MUC12: variants seen among roughly 807,000 people sequenced by gnomAD.
MUC12 encodes mucin-12.
MUC12 carries 172 observed loss-of-function variants against 230.8 expected under a neutral mutation model. The ratio of observed to expected loss-of-function variants is 0.75; its 90% CI spans 0.66 to 0.85. The LOEUF is 0.85. Among genes scored for constraint, MUC12 ranks in the 40% least tolerant of loss-of-function variants. MUC12 has a pLI of 0.00. For synonymous variants in MUC12, 1,259 were observed against 2,401.9 expected, an observed-to-expected ratio of 0.52 and a Z score of 13.91; for missense variants, 3,506 against 5,920.6, an observed-to-expected ratio of 0.59 and a Z score of 13.38.
intron 1 of MUC12, among the ~76,000 whole-genome samples, chr7:100,979,510 G>A (rs1480660263): frequency 1.3e-5 from 2 of 152,040 alleles, no homozygotes; most frequent in Admixed American, 6.6e-5. Flanking sequence ...GGCAGGGCAC[G>A]GTGGCTCATG....
chr7:100,972,526 GA>G (rs1792929289), intron 1 of MUC12, among the ~76,000 whole-genome samples: 1 of 8,934 alleles, frequency 1.1e-4, no homozygotes, highest in Non-Finnish European at 2.9e-4. Flanking sequence ...TTTTTTTTGA[GA>G]CAGTCTCCTC....
intron 2 of MUC12, among the ~76,000 whole-genome samples, 179 bp from the exon 3 acceptor site, chr7:101,006,292 C>T (rs1167728440): frequency 6.6e-6 from 1 of 152,124 alleles, no homozygotes; most frequent in Non-Finnish European, 1.5e-5. Flanking sequence ...TGTTCCTCCT[C>T]CCTTTCTTAC....
At chr7:101,011,999 G>A (rs892591500) in intron 5 of MUC12, among the ~76,000 whole-genome samples, 4 of 152,118 alleles carry the variant, frequency 2.6e-5, no homozygotes, top group East Asian at 3.9e-4. Context: ...TTTTACTTTC[G>A]CATCAACAGG....
chr7:100,988,244 C>T (rs1480354738), intron 1 of MUC12, among the ~76,000 whole-genome samples: 29 of 145,024 alleles, frequency 2.0e-4, no homozygotes, highest in Middle Eastern at 3.4e-3. Context: ...TGCAATGAGC[C>T]GAGATCGCGC....
rs557175135 is a variant in MUC12 at position 100,992,111 on chromosome 7, C to T, written c.1548C>T (p.Gly516=). 117 of 1,537,226 alleles carry T rather than the reference C, an allele frequency of 7.6e-5. No homozygotes were observed. The highest frequency in any genetic ancestry group is 1.2e-4 in the East Asian group (5 of 40,852). The change falls in exon 2 of 12, where the codon GGC becomes GGT. Residue 516 remains glycine, a synonymous_variant. Transcript: ENST00000536621. ...THLPASMTSS[G]VSEESTTSHS... is the part of the protein sequence containing the mutation. Reference sequence around the variant, plus strand: ...TACCTGCCAGCATGACAAGCTCAGGCGTCAGTGAAGAATCCACCACCTCCC... The same window carrying T: ...TACCTGCCAGCATGACAAGCTCAGGTGTCAGTGAAGAATCCACCACCTCCC...
Position 100,991,004 on chromosome 7 carries a change from A to G in MUC12, c.441A>G (p.Pro147=), listed in dbSNP as rs1167526457. The G allele has an allele frequency of 1.8e-5, 27 of 1,537,708 alleles. No homozygotes were observed. Among genetic ancestry groups the G allele is most frequent in the East Asian group, 1.5e-4 (6 of 40,930 alleles). Residue 147 remains proline, a synonymous_variant, in exon 2 of 12, where the codon CCA becomes CCG. Transcript: ENST00000536621. The part of the protein sequence containing the change: ...STTFYSSPRS[P]DRTLSPARTT... ...CCTTCTACAGTAGCCCCAGATCACC[A>G]GACAGAACACTCTCACCTGCCCGCA... is the stretch of plus-strand genomic sequence containing the variant.
rs1793955867 is a variant in MUC12 at position 101,017,727 on chromosome 7, TCCCCCGGGACTCCCTTCTC to T, written c.15966+69_15966+87del. The stretch of plus-strand genomic sequence containing the variant: ...CTCCACTTCCTCTGGGGTTCCCTCT[TCCCCCGGGACTCCCTTCTC>T]CCCCTGGGACTCCCTTCTCCCCCTG... On this transcript the variant is annotated intron_variant, in intron 11 of 11. Transcript: ENST00000536621. 5.0e-6 allele frequency: 6 copies of T among 1,194,450 alleles called. No homozygotes were observed. The Admixed American group carries it at 8.7e-5, about 17-fold the overall frequency. The allele number at this position is 1,194,450 out of a possible 1,614,324, so 74.0% of individuals were successfully genotyped here.
In MUC12 at chr7:100,995,661, C is replaced by A. The variant is rs377220169; in HGVS notation, c.5098C>A (p.Pro1700Thr). 3.6e-5 allele frequency: 56 copies of A among 1,537,094 alleles called. No homozygotes were observed. The South Asian group carries it at 6.4e-4, about 18-fold the overall frequency. The change falls in exon 2 of 12, where the codon CCT (proline) becomes ACT (threonine). Residue 1700 changes from proline to threonine, a missense_variant. Coordinates refer to ENST00000536621, the MANE Select transcript of MUC12 (RefSeq NM_001164462.2). ...CTGGCCAAGCTCAAAGGACACTATG[C>A]CTGCACCTCCTACTACCACATCAGC... The part of the protein sequence containing the change: ...QSWPSSKDTM[P>T]APPTTTSAFV...
rs542673245 is a variant in MUC12, at chr7:100,969,651, C to T, written c.29C>T (p.Ala10Val). 2.0e-6 allele frequency: 3 copies of T among 1,537,410 alleles called. No homozygotes were observed. The highest frequency in any genetic ancestry group is 2.0e-5 in the Admixed American group (1 of 51,012). The change falls in exon 1 of 12, where the codon GCT becomes GTT. Residue 10 changes from alanine to valine, a missense_variant. Ala to Val is a moderately conservative substitution (Grantham distance 64). Transcript: ENST00000536621. MLVIWILTLALRLCASVTTV... is the reference protein window; with the variant it reads MLVIWILTLVLRLCASVTTV... Reference sequence around the variant, plus strand: ...CTGGTGATCTGGATTCTGACGCTGGCTCTCCGGCTCTGCGCGTCCGTTACT... The same window carrying T: ...CTGGTGATCTGGATTCTGACGCTGGTTCTCCGGCTCTGCGCGTCCGTTACT...
At chr7:101,012,171 CTG>C in intron 5 of MUC12, 123 bp from the exon 6 acceptor site, 2 of 1,022,104 alleles carry the variant, frequency 2.0e-6, no homozygotes, top group East Asian at 2.6e-5. Context: ...AGGGAAGACT[CTG>C]TATTCTTTCT....
At chr7:101,017,383 C>T (rs781743407) in intron 10 of MUC12, 192 bp from the exon 11 acceptor site, 5 of 554,176 alleles carry the variant, frequency 9.0e-6, no homozygotes, top group East Asian at 3.0e-5. Flanking sequence ...CGGGGTCCAG[C>T]GGGCGGCTCC....
chr7:100,986,571 G>C (rs907074982), intron 1 of MUC12, among the ~76,000 whole-genome samples: 1 of 152,154 alleles, frequency 6.6e-6, no homozygotes, highest in African/African-American at 2.4e-5. Context: ...ATTTGATAGT[G>C]CTCTGTCTAC....
chr7:100,983,533 C>T (rs1793141821), intron 1 of MUC12, among the ~76,000 whole-genome samples: 1 of 152,126 alleles, frequency 6.6e-6, no homozygotes, highest in Non-Finnish European at 1.5e-5. Flanking sequence ...CATGCACTGA[C>T]TCATTCACTG....
At chr7:100,980,633 G>A (rs1412302880) in intron 1 of MUC12, among the ~76,000 whole-genome samples, 1 of 152,160 alleles carries the variant, frequency 6.6e-6, no homozygotes, top group African/African-American at 2.4e-5. Context: ...TCGTTAAAAT[G>A]ATATCAGCAG....
Position 101,018,581 on chromosome 7 carries a change from C to T in MUC12, c.15967-14C>T. On this transcript the variant is annotated splice_polypyrimidine_tract_variant and intron_variant, in intron 11 of 11. Coordinates refer to ENST00000536621, the MANE Select transcript of MUC12 (RefSeq NM_001164462.2). ...TCTGCCCCTTGGCCTCACCTCTTCT[C>T]TCCCGTCCCCCAGCTCCACATCCAG... 1 of 1,536,138 alleles carries T rather than the reference C, an allele frequency of 6.5e-7. No individual in the cohort carries two copies. The highest frequency in any genetic ancestry group is 1.2e-5 in the South Asian group (1 of 84,004).
At chr7:100,988,849 T>C (rs891448078) in intron 1 of MUC12, among the ~76,000 whole-genome samples, 16 of 152,304 alleles carry the variant, frequency 1.1e-4, no homozygotes, top group East Asian at 3.9e-4. Context: ...AATTGAATCA[T>C]TGGGGGCAGT....
intron 1 of MUC12, among the ~76,000 whole-genome samples, chr7:100,970,846 A>C (rs1057483887): frequency 6.6e-6 from 1 of 152,076 alleles, no homozygotes; most frequent in African/African-American, 2.4e-5. Context: ...AAATACAAAA[A>C]ATTAGCCGGG....
chr7:101,009,290 A>T, intron 5 of MUC12, 131 bp downstream of exon 5: 2 of 881,612 alleles, frequency 2.3e-6, no homozygotes, highest in Non-Finnish European at 3.6e-6. Flanking sequence ...GCCGCTAGGG[A>T]ACACTGGGGG....
chr7:101,005,697 G>T lies in MUC12; in HGVS notation c.14956+178G>T, dbSNP rs139285366. 7.9e-5 allele frequency among the ~76,000 whole-genome samples: 12 copies of T among 152,180 alleles called. No homozygotes were observed. The East Asian group carries it at 2.3e-3, about 29-fold the overall frequency. ...TCCAGTGTTCATGTGCCGTTCACTG[G>T]TCCCCACACATGTATGATGACAATC... is the stretch of plus-strand genomic sequence containing the variant. On this transcript the variant is annotated intron_variant, in intron 2 of 11. Transcript: ENST00000536621.
Sources: gnomAD v4.1 joint callset for allele counts (sites outside exome capture counted in the v4.1 genomes callset) on GRCh38, gnomAD v4.1.1 for gene constraint, MANE v1.5 for transcripts, NCBI Gene and HGNC (gene_info 2026-07-23, HGNC 2026-07-21) for gene names.